The following CHRM3 variants were observed in gnomAD, a reference collection of about 807,000 sequenced individuals.
CHRM3 encodes the protein muscarinic acetylcholine receptor M3.
In CHRM3, 11 loss-of-function variants were observed where a neutral mutation model predicts 41.8. The ratio of observed to expected loss-of-function variants is 0.26; its 90% CI spans 0.17 to 0.44. The LOEUF is 0.44. Among genes scored for constraint, CHRM3 ranks in the 20% least tolerant of loss-of-function variants. The probability of loss-of-function intolerance (pLI) is 1.00; values close to 1 mark genes in which losing one functional copy is unlikely to be tolerated. For missense variants in CHRM3, 571 were observed against 745.4 expected (o/e 0.77, Z 2.72); for synonymous variants, 297 against 301.4 (o/e 0.99, Z 0.15).
intron 3 of CHRM3, among the ~76,000 whole-genome samples, chr1:239,596,996 ACT>A (rs1217902563): frequency 6.6e-6 from 1 of 152,162 alleles, no homozygotes; most frequent in Non-Finnish European, 1.5e-5. Flanking sequence ...TAAGAAAATA[ACT>A]CTTTTTGTGA....
chr1:239,769,873 T>G (rs1228164423), intron 5 of CHRM3, among the ~76,000 whole-genome samples: 1 of 151,258 alleles, frequency 6.6e-6, no homozygotes, highest in Non-Finnish European at 1.5e-5. Flanking sequence ...AGAGCTAGAC[T>G]CTGTCTCAAA....
chr1:239,435,179 C>T (rs146237970), intron 1 of CHRM3, among the ~76,000 whole-genome samples: 8 of 149,630 alleles, frequency 5.3e-5, no homozygotes, highest in Non-Finnish European at 1.5e-5. Flanking sequence ...CAGCTGGGAG[C>T]GATGGCTCAC....
intron 5 of CHRM3, among the ~76,000 whole-genome samples, chr1:239,811,718 C>T (rs1352829829): frequency 1.3e-5 from 2 of 152,178 alleles, no homozygotes; most frequent in Admixed American, 1.3e-4. Context: ...CATATTGACT[C>T]ATGCTTTGCA....
rs111660549 is a variant in CHRM3, at chr1:239,671,343, G to A, written c.-249-6843G>A. ...TGTAATCCCAACACCTTGGGAGACC[G>A]TACAGAGAGGATCACTTGAGTCCAG... On this transcript the variant is annotated intron_variant, in intron 4 of 6. Coordinates refer to ENST00000676153, the MANE Select transcript of CHRM3 (RefSeq NM_001375978.1). Among the ~76,000 whole-genome samples, 846 of 152,296 alleles carry A rather than the reference G, an allele frequency of 5.6e-3. 4 individuals are homozygous for A. Among genetic ancestry groups the A allele is most frequent in the Middle Eastern group, 0.017 (5 of 294 alleles).
intron 2 of CHRM3, among the ~76,000 whole-genome samples, chr1:239,534,863 A>G (rs1455450496): frequency 6.6e-6 from 1 of 152,242 alleles, no homozygotes; most frequent in East Asian, 1.9e-4. Flanking sequence ...TTATCATTAA[A>G]TGAAAGGTTC....
At chr1:239,588,010 C>G (rs1008374272) in intron 3 of CHRM3, among the ~76,000 whole-genome samples, 1 of 152,164 alleles carries the variant, frequency 6.6e-6, no homozygotes, top group Non-Finnish European at 1.5e-5. Context: ...AACATTCGAT[C>G]AGACCAATAG....
At chr1:239,404,386 AAG>A (rs1210782894) in intron 1 of CHRM3, among the ~76,000 whole-genome samples, 13 of 82,190 alleles carry the variant, frequency 1.6e-4, no homozygotes, top group South Asian at 4.5e-4. Context: ...GAAAGAAAGA[AAG>A]AAAGAAAGAA....
chr1:239,596,784 G>A (rs1433151481), intron 3 of CHRM3, among the ~76,000 whole-genome samples: 1 of 152,094 alleles, frequency 6.6e-6, no homozygotes, highest in Non-Finnish European at 1.5e-5. Context: ...AAATAGGTTA[G>A]TATTTAATGG....
At chr1:239,700,855 C>A (rs1048495002) in intron 5 of CHRM3, among the ~76,000 whole-genome samples, 12 of 152,080 alleles carry the variant, frequency 7.9e-5, no homozygotes, top group Admixed American at 2.0e-4. Flanking sequence ...TGTGAAAGGG[C>A]AGCTCCTGTC....
chr1:239,426,841 T>G (rs1662429822), intron 1 of CHRM3, among the ~76,000 whole-genome samples: 1 of 152,150 alleles, frequency 6.6e-6, no homozygotes, highest in Admixed American at 6.5e-5. Context: ...GAAACACATT[T>G]AAGAATTATG....
At chr1:239,812,906 A>C (rs183352642) in intron 5 of CHRM3, among the ~76,000 whole-genome samples, 89 of 152,334 alleles carry the variant, frequency 5.8e-4, no homozygotes, top group African/African-American at 2.1e-3. Flanking sequence ...CTCCCTCCAA[A>C]ATGTGCACCC....
chr1:239,525,655 A>C (rs1282692727), intron 2 of CHRM3, among the ~76,000 whole-genome samples: 1 of 151,888 alleles, frequency 6.6e-6, no homozygotes. Flanking sequence ...TCTCCCACCC[A>C]CTCACCATTT....
intron 6 of CHRM3, among the ~76,000 whole-genome samples, chr1:239,844,846 C>G (rs1291158787): frequency 6.6e-6 from 1 of 152,146 alleles, no homozygotes; most frequent in African/African-American, 2.4e-5. Context: ...GCTCCCAACC[C>G]AAACACTGAT....
At chr1:239,470,292 C>T (rs546618125) in intron 1 of CHRM3, among the ~76,000 whole-genome samples, 1 of 152,230 alleles carries the variant, frequency 6.6e-6, no homozygotes, top group East Asian at 1.9e-4. Flanking sequence ...GTAGAACCAA[C>T]TCTCCCTGAG....
intron 2 of CHRM3, among the ~76,000 whole-genome samples, chr1:239,533,004 G>A (rs1010136383): frequency 1.3e-5 from 2 of 151,828 alleles, no homozygotes; most frequent in African/African-American, 2.4e-5. Flanking sequence ...TCTCTATAGC[G>A]CTCTTCTGGA....
chr1:239,422,804 C>A (rs2354401), intron 1 of CHRM3, among the ~76,000 whole-genome samples: 48,050 of 114,334 alleles, frequency 0.42, 7,885 homozygotes, highest in African/African-American at 0.48. Flanking sequence ...TTAAAAAAAA[C>A]AAAAACAAAA....
Position 239,907,277 on chromosome 1 carries a change from A to T in CHRM3, c.-19-156A>T, listed in dbSNP as rs1200733376. On this transcript the variant is annotated intron_variant, in intron 6 of 6. Transcript: ENST00000676153. This position sits in a 1 kb window ranked among gnomAD's most constrained non-coding sequence, Gnocchi z 5.4. ...TCGATGTCTGTCTGCCCTAGACTCC[A>T]CTTATTTAAAATAAGAGAATGAACT... 6.6e-6 allele frequency among the ~76,000 whole-genome samples: 1 copy of T among 152,206 alleles called. No individual in the cohort carries two copies. The highest frequency in any genetic ancestry group is 6.5e-5 in the Admixed American group (1 of 15,284).
intron 6 of CHRM3, among the ~76,000 whole-genome samples, chr1:239,860,473 C>A (rs1316091318): frequency 2.0e-5 from 3 of 152,052 alleles, no homozygotes; most frequent in Non-Finnish European, 4.4e-5. Flanking sequence ...AGTATCTTTT[C>A]CCTGAAATGC....
intron 4 of CHRM3, among the ~76,000 whole-genome samples, chr1:239,642,665 T>G (rs1362465573): frequency 3.3e-5 from 5 of 152,146 alleles, no homozygotes; most frequent in Non-Finnish European, 7.4e-5. Flanking sequence ...TTATACATTC[T>G]TCTAAATTTT....
Sources: gnomAD v4.1 joint callset for allele counts (sites outside exome capture counted in the v4.1 genomes callset) on GRCh38, gnomAD v4.1.1 for gene constraint, Gnocchi (gnomAD v3.1) non-coding constraint, MANE v1.5 for transcripts, NCBI Gene and HGNC (gene_info 2026-07-23, HGNC 2026-07-21) for gene names.